The following UBA1 variants were observed in gnomAD, a reference collection of about 807,000 sequenced individuals.
The protein encoded by UBA1 is ubiquitin like modifier activating enzyme 1.
Under a neutral mutation model 84.7 loss-of-function variants are expected in UBA1, and 4 were observed. The observed-to-expected ratio is 0.05, with a 90% CI of 0.02 to 0.11. The LOEUF is 0.11. Ranked by LOEUF, UBA1 falls within the 10% of genes least tolerant of loss-of-function variation. The probability of loss-of-function intolerance (pLI) is 1.00; values close to 1 mark genes in which losing one functional copy is unlikely to be tolerated. For missense variants in UBA1, 513 were observed against 902.8 expected (o/e 0.57, Z 5.53); for synonymous variants, 364 against 362.6 (o/e 1.00, Z -0.04).
intron 21 of UBA1, 41 bp downstream of exon 21, chrX:47,212,553 AG>A: frequency 9.0e-7 from 1 of 1,117,211 alleles, no homozygotes; most frequent in Non-Finnish European, 1.2e-6. Flanking sequence ...GGATGGGCAA[AG>A]CATAGACAGG....
chrX:47,201,861 CTG>C (rs1936429526), intron 8 of UBA1, among the ~76,000 whole-genome samples: 1 of 111,617 alleles, frequency 9.0e-6, no homozygotes, highest in African/African-American at 3.3e-5. Context: ...GAAAAAGTCT[CTG>C]GTGTTTGAAC....
chrX:47,211,158 C>T lies in UBA1; in HGVS notation c.2397C>T (p.Phe799=). ...TFLQSVQVPE[F]TPKSGVKIHV... ...TGCAGTCTGTGCAGGTCCCCGAATTCACCCCCAAGTCTGGCGTCAAGATCC... is the reference window on the plus strand; with the variant it reads ...TGCAGTCTGTGCAGGTCCCCGAATTTACCCCCAAGTCTGGCGTCAAGATCC... Residue 799 remains phenylalanine, a synonymous_variant, in exon 20 of 26, where the codon TTC becomes TTT. Coordinates refer to ENST00000335972, the MANE Select transcript of UBA1 (RefSeq NM_003334.4). The T allele has an allele frequency of 8.3e-7, 1 of 1,211,765 alleles. No individual in the cohort carries two copies. The highest frequency in any genetic ancestry group is 1.1e-6 in the Non-Finnish European group (1 of 895,581).
At chrX:47,204,370 G>T (rs1556789889) in intron 14 of UBA1, among the ~76,000 whole-genome samples, 1 of 110,213 alleles carries the variant, frequency 9.1e-6, no homozygotes, top group Non-Finnish European at 1.9e-5. Flanking sequence ...CTCCCAGCGG[G>T]AGTTAAACAA....
At chrX:47,190,853 T>C (rs1204433628), upstream of UBA1, 1 of 112,910 alleles carries the variant, frequency 8.9e-6, no homozygotes, top group Non-Finnish European at 1.9e-5. Context: ...GCGCAAACTC[T>C]GGCTTCTCTT....
chrX:47,199,474 T>G lies in UBA1; in HGVS notation c.346-6T>G. On this transcript the variant is annotated splice_polypyrimidine_tract_variant and splice_region_variant and intron_variant, in intron 4 of 25. Coordinates refer to ENST00000335972, the MANE Select transcript of UBA1 (RefSeq NM_003334.4). ...TCATCTTTTTCCCTACTGCACACCC[T>G]TACAGTTCTACCTGCGGGAGGAGGA... is the stretch of plus-strand genomic sequence containing the variant. 1 of 1,211,792 alleles carries G rather than the reference T, an allele frequency of 8.3e-7. No individual in the cohort carries two copies.
chrX:47,198,271 G>C (rs1482499284), intron 1 of UBA1: 2 of 980,849 alleles, frequency 2.0e-6, no homozygotes, highest in African/African-American at 4.0e-5. Context: ...AGGGAGAGGA[G>C]AATGGCTGCT....
chrX:47,195,538 A>G (rs1215870644), intron 1 of UBA1, among the ~76,000 whole-genome samples: 2 of 111,365 alleles, frequency 1.8e-5, no homozygotes, highest in Admixed American at 9.5e-5. Context: ...GGCGTGAGCC[A>G]CCGCGCCTGG....
At position 47,202,347 on chromosome X, in the gene UBA1, C is replaced by G. The variant is rs376328866; in HGVS notation, c.910-11C>G. ...CTCTTCTGGTTCTGATGACCTCTCC[C>G]CCCGCCACAGAAATCCTTGGTGGCC... On this transcript the variant is annotated splice_polypyrimidine_tract_variant and intron_variant, in intron 9 of 25. Coordinates refer to ENST00000335972, the MANE Select transcript of UBA1 (RefSeq NM_003334.4). The G allele has an allele frequency of 3.3e-6, 4 of 1,210,215 alleles. No homozygotes were observed. Among genetic ancestry groups the G allele is most frequent in the African/African-American group, 3.5e-5 (2 of 57,821 alleles).
chrX:47,197,459 T>G (rs1936244276), intron 1 of UBA1: 8 of 754,587 alleles, frequency 1.1e-5, no homozygotes, highest in Non-Finnish European at 1.3e-5. Flanking sequence ...TTAGGTACAT[T>G]GGGATACTTA....
intron 5 of UBA1, among the ~76,000 whole-genome samples, chrX:47,200,064 T>C (rs1008474043): frequency 4.5e-5 from 5 of 110,551 alleles, no homozygotes; most frequent in Non-Finnish European, 9.5e-5. Context: ...GGATTACAGG[T>C]GTGAGCCACC....
chrX:47,214,430 T>C lies in UBA1; in HGVS notation c.2940+2T>C, dbSNP rs879971976. The C allele has an allele frequency of 8.3e-7, 1 of 1,209,951 alleles. No individual in the cohort carries two copies. The stretch of plus-strand genomic sequence containing the variant: ...AAACAGTTCCTCGACTATTTTAAGG[T>C]AAGGCCCCTCCCTTACTCTGTCACC... On this transcript the variant is annotated splice_donor_variant, in intron 24 of 25. Coordinates refer to ENST00000335972, the MANE Select transcript of UBA1 (RefSeq NM_003334.4). LOFTEE classifies it high-confidence loss of function.
chrX:47,198,442 A>G, intron 1 of UBA1: 1 of 459,616 alleles, frequency 2.2e-6, no homozygotes, highest in Non-Finnish European at 3.4e-6. Context: ...TGGCAGGCTC[A>G]AGATTTGAAA....
chrX:47,206,513 C>CCCTTG (rs1936681845), intron 16 of UBA1, 69 bp downstream of exon 16: 6 of 1,101,573 alleles, frequency 5.4e-6, no homozygotes, highest in South Asian at 1.9e-5. Flanking sequence ...CGCCCCCAGG[C>CCCTTG]CCTTGCCTTG....
In UBA1 at chrX:47,201,465, T is replaced by G; in HGVS notation, c.679-13T>G. The G allele has an allele frequency of 8.3e-7, 1 of 1,212,118 alleles. No homozygotes were observed. Among genetic ancestry groups the G allele is most frequent in the Admixed American group, 2.2e-5 (1 of 46,096 alleles). On this transcript the variant is annotated splice_polypyrimidine_tract_variant and intron_variant, in intron 7 of 25. Coordinates refer to ENST00000335972, the MANE Select transcript of UBA1 (RefSeq NM_003334.4). ...CTGGGCCTGTTTCTGAGACTCACTCTTCCTTTAACCAGGACAACCCCGGTG... is the reference window on the plus strand; with the variant it reads ...CTGGGCCTGTTTCTGAGACTCACTCGTCCTTTAACCAGGACAACCCCGGTG...
Position 47,202,189 on chromosome X carries a change from A to G in UBA1, c.845A>G (p.Asn282Ser). 1.7e-6 allele frequency: 2 copies of G among 1,210,485 alleles called. No individual in the cohort carries two copies. The highest frequency in any genetic ancestry group is 1.8e-5 in the South Asian group (1 of 56,685). ...ACCTTTAGCATCTGTGACACCTCCA[A>G]CTTCTCCGACTACATCCGTGGAGGC... ...PYTFSICDTSNFSDYIRGGIV... is the reference protein window; with the variant it reads ...PYTFSICDTSSFSDYIRGGIV... The change falls in exon 9 of 26, where the codon AAC (asparagine) becomes AGC (serine). Residue 282 changes from asparagine to serine, a missense_variant. Transcript: ENST00000335972.
chrX:47,201,387 G>T (rs1556787942), intron 7 of UBA1, 21 bp downstream of exon 7: 1 of 1,208,626 alleles, frequency 8.3e-7, no homozygotes, highest in South Asian at 1.8e-5. Context: ...CAGCCCTAGG[G>T]TTCCTGGCAG....
chrX:47,200,843 ATTT>A, intron 5 of UBA1, 48 bp from the exon 6 acceptor site: 1 of 1,055,985 alleles, frequency 9.5e-7, no homozygotes, highest in Non-Finnish European at 1.3e-6. Context: ...CCAGCCCTCC[ATTT>A]TTTCCCCTTC....
At chrX:47,198,963 G>A (rs782433609) in intron 2 of UBA1, 44 bp downstream of exon 2, 2 of 1,204,084 alleles carry the variant, frequency 1.7e-6, no homozygotes, top group African/African-American at 3.5e-5. Flanking sequence ...GGTGGTGGGT[G>A]GGAAAGTCTT....
chrX:47,198,764 A>G (rs782740442), intron 1 of UBA1, 39 bp from the exon 2 acceptor site: 1 of 1,173,757 alleles, frequency 8.5e-7, no homozygotes, highest in Non-Finnish European at 1.2e-6. Flanking sequence ...AACGGTACCC[A>G]TGTGCTCCAG....
Sources: allele counts gnomAD v4.1 joint callset (sites outside exome capture counted in the v4.1 genomes callset), GRCh38; gene constraint gnomAD v4.1.1; transcripts MANE v1.5; gene names NCBI Gene and HGNC (gene_info 2026-07-23, HGNC 2026-07-21).